SCML4: variants seen among roughly 807,000 people sequenced by gnomAD.
SCML4 encodes sex comb on midleg-like protein 4.
Under a neutral mutation model 41.1 loss-of-function variants are expected in SCML4, and 34 were observed. The ratio of observed to expected loss-of-function variants is 0.83; its 90% CI spans 0.63 to 1.10. SCML4 has a LOEUF of 1.10. Ranked by LOEUF, SCML4 falls within the 50% of genes least tolerant of loss-of-function variation. SCML4 has a pLI of 0.00. For missense variants in SCML4, 522 were observed against 534.1 expected (o/e 0.98, Z 0.22); for synonymous variants, 214 against 220.9 (o/e 0.97, Z 0.28).
chr6:107,755,855 A>C (rs1238655469), intron 2 of SCML4, among the ~76,000 whole-genome samples: 1 of 152,170 alleles, frequency 6.6e-6, no homozygotes, highest in Non-Finnish European at 1.5e-5. Context: ...CCAGAAAGTA[A>C]GACAACACTA....
Position 107,746,332 on chromosome 6 carries a change from T to G in SCML4, c.487+357A>C, listed in dbSNP as rs74617849. 987 of 215,776 alleles carry G rather than the reference T, an allele frequency of 4.6e-3. 20 individuals carry two copies. The East Asian group carries it at 0.06, about 13-fold the overall frequency. The allele number at this position is 215,776 out of a possible 1,614,324, so 13.4% of individuals were successfully genotyped here. On this transcript the variant is annotated intron_variant, in intron 4 of 7. Coordinates refer to ENST00000369020, the MANE Select transcript of SCML4 (RefSeq NM_198081.5). ...ATTTTTAAAGAACCAGGGAGGTTGC[T>G]GTGGGTGGTGAAAGGTGGTTGGACT...
chr6:107,720,444 A>G, intron 6 of SCML4: 1 of 1,155,576 alleles, frequency 8.7e-7, no homozygotes, highest in Non-Finnish European at 1.1e-6. Context: ...TTTCTATGGT[A>G]TTTGAGCCTG....
At chr6:107,735,594 T>G (rs2114464995) in intron 5 of SCML4, among the ~76,000 whole-genome samples, 1 of 151,334 alleles carries the variant, frequency 6.6e-6, no homozygotes, top group East Asian at 1.9e-4. Flanking sequence ...AGCTGAGGAG[T>G]TCGAGACCAC....
At position 107,703,674 on chromosome 6, in the gene SCML4, C is replaced by A. The variant is rs539303051; in HGVS notation, c.*1526G>T. Among the ~76,000 whole-genome samples, 1 of 152,322 alleles carries A rather than the reference C, an allele frequency of 6.6e-6. No individual in the cohort carries two copies. Among genetic ancestry groups the A allele is most frequent in the East Asian group, 1.9e-4 (1 of 5,172 alleles). Reference sequence around the variant, plus strand: ...GAGGTTGAGCCCCCACCCTGCTCCACTTGCCAGCTGAGACCCCTGCTCAGG... The same window carrying A: ...GAGGTTGAGCCCCCACCCTGCTCCAATTGCCAGCTGAGACCCCTGCTCAGG... On this transcript the variant is annotated 3_prime_UTR_variant, in exon 8 of 8. Transcript: ENST00000369020.
chr6:107,816,502 A>T (rs7767273), intron 1 of SCML4, among the ~76,000 whole-genome samples: 8,179 of 152,246 alleles, frequency 0.054, 741 homozygotes, highest in African/African-American at 0.18. Context: ...TTCCATTTAG[A>T]TGGATTCTGT....
chr6:107,720,774 G>C lies in SCML4; in HGVS notation c.902C>G (p.Ser301Trp), dbSNP rs757663027. The change falls in exon 6 of 8, where the codon TCG becomes TGG. Residue 301 changes from serine to tryptophan, a missense_variant. Physicochemically the swap from Ser to Trp is radical, Grantham distance 177 (BLOSUM62 -3). Transcript: ENST00000369020. ...RTSPMSSGGP[S>W]APGLRPPASS... ...GGCTGGAGGCCTCAGCCCAGGTGCC[G>C]AGGGGCCACCAGAAGACATGGGGCT... The C allele has an allele frequency of 6.2e-7, 1 of 1,612,792 alleles. No individual in the cohort carries two copies. Among genetic ancestry groups the C allele is most frequent in the Non-Finnish European group, 8.5e-7 (1 of 1,179,286 alleles).
chr6:107,815,192 G>T (rs1784474837), intron 1 of SCML4, among the ~76,000 whole-genome samples: 1 of 152,196 alleles, frequency 6.6e-6, no homozygotes, highest in Non-Finnish European at 1.5e-5. Flanking sequence ...AACAGCTTCT[G>T]CAGAGGGGCA....
intron 2 of SCML4, among the ~76,000 whole-genome samples, chr6:107,751,718 C>G (rs148993536): frequency 1.3e-4 from 20 of 150,484 alleles, no homozygotes; most frequent in East Asian, 8.8e-4. Context: ...TCACTGCAAC[C>G]TCCGCCTCCC....
At chr6:107,761,416 C>T (rs545636311) in intron 2 of SCML4, among the ~76,000 whole-genome samples, 26 of 148,406 alleles carry the variant, frequency 1.8e-4, no homozygotes, top group African/African-American at 5.4e-4. Context: ...AACAATGAAC[C>T]CCAGAATATA....
chr6:107,817,630 AAAAAAG>A (rs755511702), intron 1 of SCML4, among the ~76,000 whole-genome samples: 18,477 of 134,798 alleles, frequency 0.14, 1,857 homozygotes, highest in African/African-American at 0.19. Flanking sequence ...CAAAAAAAAA[AAAAAAG>A]AAAAAAAAAA....
intron 5 of SCML4, among the ~76,000 whole-genome samples, chr6:107,738,979 T>G (rs2114475880): frequency 6.6e-6 from 1 of 152,284 alleles, no homozygotes; most frequent in Middle Eastern, 3.4e-3. Flanking sequence ...AGCAGCCCCT[T>G]CAAATTCTGA....
chr6:107,790,535 C>T (rs570314729), intron 1 of SCML4, among the ~76,000 whole-genome samples: 1 of 152,234 alleles, frequency 6.6e-6, no homozygotes, highest in Admixed American at 6.5e-5. Context: ...TCTCCTGGGG[C>T]CATGCAACAG....
chr6:107,759,679 T>C (rs1779422321), intron 2 of SCML4, among the ~76,000 whole-genome samples: 1 of 152,220 alleles, frequency 6.6e-6, no homozygotes, highest in African/African-American at 2.4e-5. Flanking sequence ...GTTAACTAAC[T>C]AGACTTATTA....
intron 1 of SCML4, among the ~76,000 whole-genome samples, chr6:107,814,356 T>C (rs1335822158): frequency 6.6e-6 from 1 of 152,216 alleles, no homozygotes; most frequent in Non-Finnish European, 1.5e-5. Context: ...GACCCAGTTA[T>C]ACCACTTAAC....
At chr6:107,785,080 C>G (rs1781785448) in intron 1 of SCML4, among the ~76,000 whole-genome samples, 2 of 152,212 alleles carry the variant, frequency 1.3e-5, no homozygotes, top group African/African-American at 2.4e-5. Context: ...GATCTCTCAA[C>G]TCCCTGTTAA....
At chr6:107,768,674 A>G (rs1164587897) in intron 2 of SCML4, among the ~76,000 whole-genome samples, 1 of 152,226 alleles carries the variant, frequency 6.6e-6, no homozygotes, top group Non-Finnish European at 1.5e-5. Flanking sequence ...ACTATCAAGG[A>G]TCAAATAAGA....
chr6:107,743,694 T>C (rs374499953), intron 5 of SCML4, among the ~76,000 whole-genome samples: 9 of 152,208 alleles, frequency 5.9e-5, no homozygotes, highest in East Asian at 5.8e-4. Flanking sequence ...TAAAAGTAAA[T>C]AGCATCTGCT....
chr6:107,793,081 C>T lies in SCML4; in HGVS notation c.-59-20695G>A, dbSNP rs138306942. Among the ~76,000 whole-genome samples, 402 of 152,242 alleles carry T rather than the reference C, an allele frequency of 2.6e-3. 2 individuals are homozygous for T. Among genetic ancestry groups the T allele is most frequent in the African/African-American group, 9.0e-3 (375 of 41,542 alleles). ...TGAAGGGAGTTAGCTTGGACAGAGACGGCTGATTCCATGTGGCAGCACAAG... is the reference window on the plus strand; with the variant it reads ...TGAAGGGAGTTAGCTTGGACAGAGATGGCTGATTCCATGTGGCAGCACAAG... On this transcript the variant is annotated intron_variant, in intron 1 of 7. Coordinates refer to ENST00000369020, the MANE Select transcript of SCML4 (RefSeq NM_198081.5).
At chr6:107,826,973 G>A (rs1785281299), upstream of SCML4, among the ~76,000 whole-genome samples, 1 of 151,996 alleles carries the variant, frequency 6.6e-6, no homozygotes, top group South Asian at 2.1e-4. Flanking sequence ...TGAGGCAGGA[G>A]AATGGTGTGA....
Sources: allele counts gnomAD v4.1 joint callset (sites outside exome capture counted in the v4.1 genomes callset), GRCh38; gene constraint gnomAD v4.1.1; transcripts MANE v1.5; gene names NCBI Gene and HGNC (gene_info 2026-07-23, HGNC 2026-07-21).